IL1RAPL2: variants seen among roughly 807,000 people sequenced by gnomAD.
IL1RAPL2 encodes interleukin 1 receptor accessory protein like 2, also known as X-linked interleukin-1 receptor accessory protein-like 2.
IL1RAPL2 carries 3 observed loss-of-function variants against 44.1 expected under a neutral mutation model. That is an observed-to-expected ratio of 0.07 (90% CI 0.03 to 0.18). IL1RAPL2 has a LOEUF of 0.18. IL1RAPL2 is among the 10% of genes least tolerant of loss of function. The pLI is 1.00. For synonymous variants in IL1RAPL2, 181 were observed against 178.8 expected, an observed-to-expected ratio of 1.01 and a Z score of -0.10; for missense variants, 391 against 496.4, an observed-to-expected ratio of 0.79 and a Z score of 2.02.
chrX:104,851,283 T>G (rs2095075667), intron 2 of IL1RAPL2, among the ~76,000 whole-genome samples: 1 of 111,329 alleles, frequency 9.0e-6, no homozygotes, highest in Non-Finnish European at 1.9e-5. Context: ...TTTAGCCAGG[T>G]TTATACATCA....
chrX:104,953,638 A>G (rs1925641356), intron 2 of IL1RAPL2, among the ~76,000 whole-genome samples: 1 of 111,805 alleles, frequency 8.9e-6, no homozygotes, highest in South Asian at 3.7e-4. Context: ...ACAATGAACA[A>G]TGAATCAAGA....
intron 1 of IL1RAPL2, among the ~76,000 whole-genome samples, chrX:104,639,832 C>T (rs899662888): frequency 1.1e-4 from 12 of 111,570 alleles, no homozygotes; most frequent in Non-Finnish European, 2.3e-4. Flanking sequence ...ATATGTCATC[C>T]CATTCGCTAA....
rs148692533 is a variant in IL1RAPL2 at position 105,139,850 on chromosome X, G to A, written c.83-55625G>A. ...TCCATAGAAAACAAGTAGCCAAACC[G>A]TCATTGAATGCGACTCCAGCTTTTT... On this transcript the variant is annotated intron_variant, in intron 2 of 10. Transcript: ENST00000372582. Among the ~76,000 whole-genome samples the A allele has an allele frequency of 9.4e-4, 106 of 112,175 alleles. No homozygotes were observed. The East Asian group carries it at 0.015, about 16-fold the overall frequency.
At chrX:104,777,831 C>T (rs963083929) in intron 2 of IL1RAPL2, among the ~76,000 whole-genome samples, 1 of 110,335 alleles carries the variant, frequency 9.1e-6, no homozygotes, top group African/African-American at 3.3e-5. Context: ...ATCCGTGTAC[C>T]TTGGCCTCCC....
At chrX:105,621,271 G>C (rs1163556706) in intron 6 of IL1RAPL2, among the ~76,000 whole-genome samples, 1 of 111,812 alleles carries the variant, frequency 8.9e-6, no homozygotes, top group Admixed American at 9.5e-5. Flanking sequence ...AGAGGCTTGT[G>C]TGTAGAACTT....
intron 2 of IL1RAPL2, among the ~76,000 whole-genome samples, chrX:104,876,718 TTTA>T (rs200283526): frequency 0.39 from 36,586 of 93,138 alleles, 6,771 homozygotes; most frequent in Non-Finnish European, 0.44. Context: ...AACAATTTCT[TTTA>T]TTATTATTAT....
At chrX:105,002,890 G>A (rs55924122) in intron 2 of IL1RAPL2, among the ~76,000 whole-genome samples, 1,962 of 111,316 alleles carry the variant, frequency 0.018, 46 homozygotes, top group African/African-American at 0.06. Flanking sequence ...ATTATGTCAT[G>A]CATAATTTAT....
At chrX:105,015,407 G>T in intron 2 of IL1RAPL2, among the ~76,000 whole-genome samples, 1 of 111,541 alleles carries the variant, frequency 9.0e-6, no homozygotes, top group Admixed American at 9.5e-5. Flanking sequence ...GTCCTGAATG[G>T]TATTGCCTAG....
rs1029636408 is a variant in IL1RAPL2 at position 104,938,685 on chromosome X, A to AC, written c.83-256790_83-256789insC. Among the ~76,000 whole-genome samples, 3 of 109,881 alleles carry AC rather than the reference A, an allele frequency of 2.7e-5. No individual in the cohort carries two copies. In the South Asian group the frequency reaches 1.2e-3, roughly 43 times the overall value. On this transcript the variant is annotated intron_variant, in intron 2 of 10. Coordinates refer to ENST00000372582, the MANE Select transcript of IL1RAPL2 (RefSeq NM_017416.2). ...ATTCACTAGAGTATACAAAAAAAAA[A>AC]AACCCAGTAATAGCATCCACATGGT...
intron 5 of IL1RAPL2, among the ~76,000 whole-genome samples, chrX:105,428,885 A>G (rs1428418832): frequency 9.0e-6 from 1 of 111,252 alleles, no homozygotes; most frequent in African/African-American, 3.3e-5. Flanking sequence ...TTGGTAGGCT[A>G]TGCTTGTATT....
At chrX:105,689,170 T>C (rs767714492) in intron 6 of IL1RAPL2, among the ~76,000 whole-genome samples, 1 of 111,533 alleles carries the variant, frequency 9.0e-6, no homozygotes, top group Non-Finnish European at 1.9e-5. Flanking sequence ...TGGGGAGAAC[T>C]TCATGACTAA....
intron 2 of IL1RAPL2, among the ~76,000 whole-genome samples, chrX:104,757,486 A>G (rs762699164): frequency 1.8e-5 from 2 of 111,762 alleles, no homozygotes; most frequent in African/African-American, 6.5e-5. Flanking sequence ...TTGGAGACAT[A>G]ATCACATAGA....
chrX:105,138,167 A>G (rs1049693482), intron 2 of IL1RAPL2, among the ~76,000 whole-genome samples: 1 of 111,653 alleles, frequency 9.0e-6, no homozygotes, highest in Non-Finnish European at 1.9e-5. Context: ...CTGCCTGCCT[A>G]TGCTTGGTCA....
At chrX:105,411,006 A>G in intron 5 of IL1RAPL2, among the ~76,000 whole-genome samples, 1 of 112,147 alleles carries the variant, frequency 8.9e-6, no homozygotes, top group East Asian at 2.8e-4. Flanking sequence ...GTTATAAATT[A>G]AGGCAATAAA....
At chrX:105,396,240 A>AG (rs770717767) in intron 5 of IL1RAPL2, among the ~76,000 whole-genome samples, 25 of 109,862 alleles carry the variant, frequency 2.3e-4, no homozygotes, top group African/African-American at 7.9e-4. Flanking sequence ...AAGAAGAGGG[A>AG]GTGATAGGTG....
At chrX:104,590,420 CT>C (rs1928642611) in intron 1 of IL1RAPL2, among the ~76,000 whole-genome samples, 1 of 111,617 alleles carries the variant, frequency 9.0e-6, no homozygotes, top group African/African-American at 3.3e-5. Flanking sequence ...TGATGACATT[CT>C]TTTGAAAAAT....
intron 2 of IL1RAPL2, among the ~76,000 whole-genome samples, chrX:105,134,464 ATC>A (rs1429047290): frequency 5.4e-5 from 6 of 111,844 alleles, no homozygotes; most frequent in African/African-American, 1.9e-4. Flanking sequence ...TATAGTAAGT[ATC>A]TCTCTCTTTA....
chrX:105,021,619 C>G (rs1215222798), intron 2 of IL1RAPL2, among the ~76,000 whole-genome samples: 1 of 111,053 alleles, frequency 9.0e-6, no homozygotes, highest in African/African-American at 3.3e-5. Flanking sequence ...TCGATTGTTT[C>G]AGGAGACTCA....
At chrX:104,648,200 A>G (rs990709251) in intron 1 of IL1RAPL2, among the ~76,000 whole-genome samples, 3 of 111,891 alleles carry the variant, frequency 2.7e-5, no homozygotes, top group African/African-American at 9.8e-5. Flanking sequence ...ACCCATGTCT[A>G]TCCATACCTC....
Sources: gnomAD v4.1 joint callset for allele counts (sites outside exome capture counted in the v4.1 genomes callset) on GRCh38, gnomAD v4.1.1 for gene constraint, MANE v1.5 for transcripts, NCBI Gene and HGNC (gene_info 2026-07-23, HGNC 2026-07-21) for gene names.